Variants in DDX25 observed in about 807,000 individuals in gnomAD.
DDX25 encodes the protein ATP-dependent RNA helicase DDX25.
DDX25 carries 70 observed loss-of-function variants against 64.6 expected under a neutral mutation model. The ratio of observed to expected loss-of-function variants is 1.08; its 90% CI spans 0.89 to 1.32. The LOEUF is 1.32. DDX25 is among the 40% of genes most tolerant of loss of function. The pLI, the probability that DDX25 is intolerant of heterozygous loss-of-function variation, is 0.00. For synonymous variants in DDX25, 211 were observed against 213.3 expected, an observed-to-expected ratio of 0.99 and a Z score of 0.09; for missense variants, 587 against 604.4, an observed-to-expected ratio of 0.97 and a Z score of 0.30.
Position 125,921,176 on chromosome 11 carries a change from T to C in DDX25, c.1202-15T>C. On this transcript the variant is annotated splice_polypyrimidine_tract_variant and intron_variant, in intron 10 of 11. Transcript: ENST00000263576. The surrounding 1 kb of genome is among the most constrained non-coding windows in gnomAD (Gnocchi z 4.1). ...GAAAGCATTGCAGGACCCTACAGTGTTTTTCCTCTTCTAGGGATTGATGTG... is the reference window on the plus strand; with the variant it reads ...GAAAGCATTGCAGGACCCTACAGTGCTTTTCCTCTTCTAGGGATTGATGTG... 6.2e-7 allele frequency: 1 copy of C among 1,603,632 alleles called. No homozygotes were observed. The highest frequency in any genetic ancestry group is 8.5e-7 in the Non-Finnish European group (1 of 1,175,268).
intron 6 of DDX25, 39 bp from the exon 7 acceptor site, chr11:125,910,325 A>C (rs1229973979): frequency 6.4e-7 from 1 of 1,559,064 alleles, no homozygotes; most frequent in African/African-American, 1.4e-5. Flanking sequence ...GATGCCTGTA[A>C]GAACCTTTCT....
At chr11:125,904,496 GGC>G, upstream of DDX25, 1 of 1,478,660 alleles carries the variant, frequency 6.8e-7, no homozygotes, top group Non-Finnish European at 9.0e-7. Flanking sequence ...ACGTGCTGGG[GGC>G]GGGAGCAGCA....
At chr11:125,907,397 A>T (rs994098833) in intron 4 of DDX25, among the ~76,000 whole-genome samples, 1 of 152,140 alleles carries the variant, frequency 6.6e-6, no homozygotes, top group Non-Finnish European at 1.5e-5. Context: ...TCACGAGGTC[A>T]GGAGATCGAG....
chr11:125,908,699 G>A (rs1944928032), intron 6 of DDX25, among the ~76,000 whole-genome samples, 196 bp downstream of exon 6: 1 of 152,044 alleles, frequency 6.6e-6, no homozygotes, highest in South Asian at 2.1e-4. Context: ...GTCTTGAGTG[G>A]TTTCAATGCT....
At chr11:125,905,748 G>A (rs1256961447) in intron 3 of DDX25, among the ~76,000 whole-genome samples, 151 bp downstream of exon 3, 3 of 152,290 alleles carry the variant, frequency 2.0e-5, no homozygotes, top group Non-Finnish European at 2.9e-5. Flanking sequence ...CACTAAATTA[G>A]GAGTAAGGTG....
intron 9 of DDX25, 134 bp from the exon 10 acceptor site, chr11:125,918,494 A>G (rs1945068175): frequency 1.2e-5 from 14 of 1,176,612 alleles, no homozygotes; most frequent in Non-Finnish European, 1.6e-5. Context: ...GCCCTGGAGG[A>G]CTGAGGGAGA....
At chr11:125,916,580 A>G (rs949391113) in intron 8 of DDX25, among the ~76,000 whole-genome samples, 2 of 152,174 alleles carry the variant, frequency 1.3e-5, no homozygotes, top group African/African-American at 4.8e-5. Context: ...CCCATTCTGA[A>G]TCAAGTTAGT....
upstream of DDX25, chr11:125,904,452 G>A (rs1268868428): frequency 7.5e-7 from 1 of 1,336,928 alleles, no homozygotes; most frequent in African/African-American, 1.5e-5. Flanking sequence ...GCCAGCGGAT[G>A]GGGCCAGCAC....
Position 125,905,942 on chromosome 11 carries a change from T to C in DDX25, c.176-132T>C, listed in dbSNP as rs80016425. 3.6e-3 allele frequency: 4,235 copies of C among 1,182,266 alleles called. 34 individuals carry two copies. Among genetic ancestry groups the C allele is most frequent in the East Asian group, 0.024 (939 of 38,488 alleles). The allele number at this position is 1,182,266 out of a possible 1,614,324, so 73.2% of individuals were successfully genotyped here. On this transcript the variant is annotated intron_variant, in intron 3 of 11. Transcript: ENST00000263576. ...ATCCTCAGTGCTATATCATTCTTTC[T>C]GGAACCCTCTTTTAGAGGAAAAATG...
In DDX25 at chr11:125,905,245, T is replaced by C. The variant is rs1162079895; in HGVS notation, c.97T>C (p.Trp33Arg). The C allele has an allele frequency of 6.4e-7, 1 of 1,551,514 alleles. No homozygotes were observed. The highest frequency in any genetic ancestry group is 8.7e-7 in the Non-Finnish European group (1 of 1,147,000). ...CCTCAGCCAACCCCGGAAGAACCTT[T>C]GGGGTATTAAGAGTACTGCAGTCCG... ...SNLSQPRKNL[W>R]GIKSTAVRNI... Residue 33 changes from tryptophan to arginine, a missense_variant, in exon 2 of 12, where the codon TGG (tryptophan) becomes CGG (arginine). Trp to Arg is a moderately radical substitution (Grantham distance 101). Transcript: ENST00000263576.
Position 125,921,012 on chromosome 11 carries a change from T to C in DDX25, c.1202-179T>C, listed in dbSNP as rs1335841418. The C allele has an allele frequency of 1.6e-6, 1 of 607,520 alleles. No homozygotes were observed. Among genetic ancestry groups the C allele is most frequent in the African/African-American group, 1.9e-5 (1 of 54,036 alleles). The allele number at this position is 607,520 out of a possible 1,614,324, so 37.6% of individuals were successfully genotyped here. A position where few individuals can be genotyped will look rare whatever the true frequency, so the allele number is the denominator to read the frequency against. On this transcript the variant is annotated intron_variant, in intron 10 of 11. Coordinates refer to ENST00000263576, the MANE Select transcript of DDX25 (RefSeq NM_013264.5). This position sits in a 1 kb window ranked among gnomAD's most constrained non-coding sequence, Gnocchi z 4.1. The stretch of plus-strand genomic sequence containing the variant: ...CTATGGACACGCTCATCTAGCATCA[T>C]AGACATCACAGCATGCAAGCAAACT...
intron 8 of DDX25, among the ~76,000 whole-genome samples, chr11:125,915,914 C>T (rs563810458): frequency 6.6e-6 from 1 of 152,318 alleles, no homozygotes; most frequent in Non-Finnish European, 1.5e-5. Context: ...ATAACTTATC[C>T]ACCAGTTTCT....
At chr11:125,916,857 G>C (rs1945044020) in intron 8 of DDX25, among the ~76,000 whole-genome samples, 157 bp from the exon 9 acceptor site, 1 of 152,164 alleles carries the variant, frequency 6.6e-6, no homozygotes, top group Admixed American at 6.5e-5. Context: ...AGGAGGGGCA[G>C]GACCTTGGCT....
chr11:125,916,793 C>T (rs1193179657), intron 8 of DDX25, among the ~76,000 whole-genome samples: 1 of 152,170 alleles, frequency 6.6e-6, no homozygotes, highest in East Asian at 1.9e-4. Flanking sequence ...TATACCTAAA[C>T]TTTGCCCTAT....
Position 125,923,751 on chromosome 11 carries a change from T to C in DDX25, c.*870T>C, listed in dbSNP as rs555649081. On this transcript the variant is annotated 3_prime_UTR_variant, in exon 12 of 12. Coordinates refer to ENST00000263576, the MANE Select transcript of DDX25 (RefSeq NM_013264.5). ...ACTCAAAAGTAAAGTGTAGTGAGCT[T>C]GAGAAGATGGGGTAAATGGAGAGTC... 1 of 152,306 alleles carries C rather than the reference T, an allele frequency of 6.6e-6. No individual in the cohort carries two copies. The highest frequency in any genetic ancestry group is 1.5e-5 in the Non-Finnish European group (1 of 68,020). The allele number at this position is 152,306 out of a possible 1,614,324, so 9.4% of individuals were successfully genotyped here.
At chr11:125,906,052 T>C in intron 3 of DDX25, 22 bp from the exon 4 acceptor site, 1 of 1,526,166 alleles carries the variant, frequency 6.6e-7, no homozygotes, top group Non-Finnish European at 8.8e-7. Flanking sequence ...TGATGTCCTC[T>C]TTTTTATTTT....
rs887922718 is a variant in DDX25, at chr11:125,925,518, ATCTC to A, written c.*2642_*2645del. 1 of 455,628 alleles carries A rather than the reference ATCTC, an allele frequency of 2.2e-6. No individual in the cohort carries two copies. The highest frequency in any genetic ancestry group is 2.0e-5 in the African/African-American group (1 of 50,060). 28.2% of individuals were successfully genotyped at this position (455,628 alleles called of 1,614,324 possible). On this transcript the variant is annotated 3_prime_UTR_variant, in exon 12 of 12. Transcript: ENST00000263576. ...CTTCCTGCATGGCCTGGCCAAGGTC[ATCTC>A]TCTCAGTGCCTGCCTGAGGACAGAG...
intron 6 of DDX25, among the ~76,000 whole-genome samples, chr11:125,909,606 A>G (rs561130105): frequency 2.6e-5 from 4 of 151,768 alleles, no homozygotes; most frequent in Middle Eastern, 3.5e-3. Context: ...TATAGATAAT[A>G]TAAACAGATT....
chr11:125,915,718 T>C (rs1013800776), intron 8 of DDX25, among the ~76,000 whole-genome samples: 1 of 152,210 alleles, frequency 6.6e-6, no homozygotes, highest in Non-Finnish European at 1.5e-5. Context: ...TTCTAACATA[T>C]GTCCTGTTTT....
Sources: allele counts gnomAD v4.1 joint callset (sites outside exome capture counted in the v4.1 genomes callset), GRCh38; gene constraint gnomAD v4.1.1; non-coding constraint Gnocchi (gnomAD v3.1); transcripts MANE v1.5; gene names NCBI Gene and HGNC (gene_info 2026-07-23, HGNC 2026-07-21).